PRKG1: variants seen among roughly 807,000 people sequenced by gnomAD.
PRKG1 encodes protein kinase cGMP-dependent 1.
A neutral mutation model predicts 88.1 loss-of-function variants in PRKG1; 35 were observed. That is an observed-to-expected ratio of 0.40 (90% CI 0.30 to 0.53). The LOEUF (loss-of-function observed/expected upper bound fraction) is 0.53, where lower values mean the gene tolerates loss of function less well. PRKG1 is among the 20% of genes least tolerant of loss of function. PRKG1 has a pLI of 0.59. For missense variants in PRKG1, 540 were observed against 839.8 expected (o/e 0.64, Z 4.41); for synonymous variants, 303 against 292.5 (o/e 1.04, Z -0.37).
intron 4 of PRKG1, among the ~76,000 whole-genome samples, chr10:51,899,847 T>A (rs1009810477): frequency 1.3e-5 from 2 of 151,958 alleles, no homozygotes; most frequent in South Asian, 4.2e-4. Flanking sequence ...GATCATGCGG[T>A]TGCATACCTC....
intron 5 of PRKG1, among the ~76,000 whole-genome samples, chr10:52,025,712 C>A (rs112197544): frequency 0.078 from 11,864 of 151,682 alleles, 760 homozygotes; most frequent in East Asian, 0.32. Context: ...CAGTACCATG[C>A]TGTTTTGGTT....
At position 51,508,121 on chromosome 10, in the gene PRKG1, T is replaced by C. The variant is rs181388324; in HGVS notation, c.592+40285T>C. 2.0e-3 allele frequency among the ~76,000 whole-genome samples: 306 copies of C among 152,260 alleles called. 2 individuals are homozygous for C. Among genetic ancestry groups the C allele is most frequent in the African/African-American group, 7.2e-3 (299 of 41,562 alleles). ...TCATCTGTAAAATGCAGATGACTTA[T>C]AGATACCCCATAGAGCTAGAACAAA... On this transcript the variant is annotated intron_variant, in intron 3 of 17. Transcript: ENST00000373980.
intron 3 of PRKG1, among the ~76,000 whole-genome samples, chr10:51,641,315 G>C (rs901636129): frequency 7.2e-5 from 11 of 152,158 alleles, no homozygotes; most frequent in African/African-American, 2.7e-4. Flanking sequence ...GCTTCTTGCG[G>C]TTGCAAATCC....
chr10:52,103,596 C>A lies in PRKG1; in HGVS notation c.936-30244C>A, dbSNP rs1847345640. ...TAATATATACAAGAAGTATTAATAACTTTGCTATAGGTAAGGCTTCTCATC... is the reference window on the plus strand; with the variant it reads ...TAATATATACAAGAAGTATTAATAAATTTGCTATAGGTAAGGCTTCTCATC... On this transcript the variant is annotated intron_variant, in intron 7 of 17. Coordinates refer to ENST00000373980, the MANE Select transcript of PRKG1 (RefSeq NM_006258.4). Among the ~76,000 whole-genome samples the A allele has an allele frequency of 3.9e-5, 6 of 151,982 alleles. 1 individual carries two copies. The South Asian group carries it at 1.2e-3, about 31-fold the overall frequency.
chr10:51,844,540 A>T (rs139393810), intron 4 of PRKG1, among the ~76,000 whole-genome samples: 1 of 152,294 alleles, frequency 6.6e-6, no homozygotes, highest in East Asian at 1.9e-4. Context: ...ATTTTAAATC[A>T]CATTGGTTAT....
chr10:52,264,420 C>A (rs1008208900), intron 10 of PRKG1, among the ~76,000 whole-genome samples: 5 of 150,964 alleles, frequency 3.3e-5, no homozygotes, highest in African/African-American at 1.2e-4. Context: ...TTCTTCTTTT[C>A]TTCCTTTGCA....
At chr10:52,206,516 G>C (rs920130968) in intron 9 of PRKG1, among the ~76,000 whole-genome samples, 2 of 152,182 alleles carry the variant, frequency 1.3e-5, no homozygotes, top group Non-Finnish European at 2.9e-5. Flanking sequence ...TACTTGCACT[G>C]GTTCTTTCTC....
intron 5 of PRKG1, among the ~76,000 whole-genome samples, chr10:52,020,023 T>C (rs1237461079): frequency 6.6e-6 from 1 of 152,084 alleles, no homozygotes; most frequent in Non-Finnish European, 1.5e-5. Context: ...ATTTACTCAC[T>C]GAAATATATT....
chr10:51,164,219 A>T (rs1399517049), intron 2 of PRKG1, among the ~76,000 whole-genome samples: 1 of 152,168 alleles, frequency 6.6e-6, no homozygotes, highest in African/African-American at 2.4e-5. Flanking sequence ...GAACGATCAG[A>T]CAGCAGCATT....
intron 12 of PRKG1, among the ~76,000 whole-genome samples, chr10:52,273,124 C>T (rs1255388268): frequency 6.6e-6 from 1 of 152,052 alleles, no homozygotes; most frequent in African/African-American, 2.4e-5. Flanking sequence ...TTGTTCTAAT[C>T]ATGCAAATTC....
chr10:51,903,908 C>A (rs1380436743), intron 4 of PRKG1, among the ~76,000 whole-genome samples: 1 of 151,982 alleles, frequency 6.6e-6, no homozygotes, highest in Non-Finnish European at 1.5e-5. Context: ...CTTATCTATA[C>A]AATAGATGAC....
In PRKG1 at chr10:51,456,534, G is replaced by A. The variant is rs544225997; in HGVS notation, c.479-11189G>A. ...AAAAACACTTTTAGATATTGGCTTA[G>A]GCAAAGAATTCATGACAAAGAACCC... On this transcript the variant is annotated intron_variant, in intron 2 of 17. Coordinates refer to ENST00000373980, the MANE Select transcript of PRKG1 (RefSeq NM_006258.4). Among the ~76,000 whole-genome samples, 6 of 152,062 alleles carry A rather than the reference G, an allele frequency of 3.9e-5. No homozygotes were observed. In the South Asian group the frequency reaches 1.2e-3, roughly 32 times the overall value.
intron 3 of PRKG1, among the ~76,000 whole-genome samples, chr10:51,492,222 G>A (rs2132873003): frequency 6.6e-6 from 1 of 152,282 alleles, no homozygotes; most frequent in Non-Finnish European, 1.5e-5. Context: ...CTTGAACAAA[G>A]TTGTGCTTCT....
intron 4 of PRKG1, among the ~76,000 whole-genome samples, chr10:51,893,511 G>A (rs1841771436): frequency 6.6e-6 from 1 of 152,100 alleles, no homozygotes; most frequent in South Asian, 2.1e-4. Context: ...TTGTACATTT[G>A]CAAACTGTGT....
At chr10:51,117,427 C>T (rs906204394) in intron 1 of PRKG1, among the ~76,000 whole-genome samples, 7 of 152,194 alleles carry the variant, frequency 4.6e-5, no homozygotes, top group Non-Finnish European at 8.8e-5. Flanking sequence ...GAGGTCTTGG[C>T]TGATGAAGCA....
chr10:51,510,744 A>ATTT (rs71459420), intron 3 of PRKG1, among the ~76,000 whole-genome samples: 1 of 134,196 alleles, frequency 7.5e-6, no homozygotes, highest in Non-Finnish European at 1.6e-5. Context: ...GCATTGTACT[A>ATTT]TTTTTTTTTT....
chr10:51,421,661 G>T (rs550756303), intron 2 of PRKG1, among the ~76,000 whole-genome samples: 1 of 152,062 alleles, frequency 6.6e-6, no homozygotes, highest in Non-Finnish European at 1.5e-5. Flanking sequence ...ACTTGCTTTG[G>T]TGCCCTCTCC....
intron 2 of PRKG1, among the ~76,000 whole-genome samples, chr10:51,365,915 G>GA (rs200168022): frequency 5.2e-3 from 708 of 134,884 alleles, no homozygotes; most frequent in Non-Finnish European, 8.1e-3. Context: ...ATCACTATAC[G>GA]AAAAAAAAAA....
At chr10:51,359,482 G>C (rs1190217720) in intron 2 of PRKG1, among the ~76,000 whole-genome samples, 2 of 151,108 alleles carry the variant, frequency 1.3e-5, no homozygotes, top group African/African-American at 4.9e-5. Flanking sequence ...GTGTATACAG[G>C]GTCCATTATT....
Sources: allele counts gnomAD v4.1 joint callset (sites outside exome capture counted in the v4.1 genomes callset), GRCh38; gene constraint gnomAD v4.1.1; transcripts MANE v1.5; gene names NCBI Gene and HGNC (gene_info 2026-07-23, HGNC 2026-07-21).